Variants in SPTLC3 observed in about 807,000 individuals in gnomAD.
SPTLC3 encodes the protein serine palmitoyltransferase 3.
SPTLC3 carries 36 observed loss-of-function variants against 59.3 expected under a neutral mutation model. That is an observed-to-expected ratio of 0.61 (90% CI 0.47 to 0.80). SPTLC3 has a LOEUF of 0.80. Among genes scored for constraint, SPTLC3 ranks in the 30% least tolerant of loss-of-function variants. The probability of loss-of-function intolerance (pLI) is 0.00; values close to 1 mark genes in which losing one functional copy is unlikely to be tolerated. For synonymous variants in SPTLC3, 257 were observed against 240.8 expected (o/e 1.07, Z -0.62); for missense variants, 625 against 685.1 (o/e 0.91, Z 0.98).
intron 1 of SPTLC3, among the ~76,000 whole-genome samples, chr20:13,034,107 C>T (rs1986625177): frequency 6.6e-6 from 1 of 152,116 alleles, no homozygotes. Context: ...TTATTGTCTT[C>T]TGTACCAAAT....
chr20:13,055,835 G>A (rs990919840), intron 2 of SPTLC3, among the ~76,000 whole-genome samples: 18 of 152,140 alleles, frequency 1.2e-4, no homozygotes, highest in Admixed American at 2.6e-4. Flanking sequence ...AGAGGAAAGA[G>A]GGGATGGAGT....
At chr20:13,060,377 G>GTTATTTATTTATTTAT (rs60787251) in intron 2 of SPTLC3, among the ~76,000 whole-genome samples, 8 of 146,278 alleles carry the variant, frequency 5.5e-5, no homozygotes, top group African/African-American at 2.0e-4. Context: ...AAGAGCTAAA[G>GTTATTTATTTATTTAT]TTATTTATTT....
At chr20:13,108,486 C>T (rs542984666) in intron 6 of SPTLC3, among the ~76,000 whole-genome samples, 1 of 152,284 alleles carries the variant, frequency 6.6e-6, no homozygotes, top group African/African-American at 2.4e-5. Flanking sequence ...TGAGCCTAGA[C>T]CAGTGAGTGA....
chr20:13,114,041 G>A (rs557963155), intron 7 of SPTLC3, among the ~76,000 whole-genome samples: 17 of 152,316 alleles, frequency 1.1e-4, no homozygotes, highest in Admixed American at 6.5e-4. Context: ...GAGGCAGAGC[G>A]GGGATTAAAA....
rs550781933 is a variant in SPTLC3 at position 13,031,983 on chromosome 20, G to A, written c.118-16962G>A. Among the ~76,000 whole-genome samples the A allele has an allele frequency of 2.6e-5, 4 of 152,194 alleles. No individual in the cohort carries two copies. The South Asian group carries it at 8.3e-4, about 32-fold the overall frequency. Reference sequence around the variant, plus strand: ...ACGTGAAGATGATTCTAATTCCATTGCAGTGATCCACCACCTACTTCTTTG... The same window carrying A: ...ACGTGAAGATGATTCTAATTCCATTACAGTGATCCACCACCTACTTCTTTG... On this transcript the variant is annotated intron_variant, in intron 1 of 11. Transcript: ENST00000399002.
chr20:13,027,141 T>C (rs1466710641), intron 1 of SPTLC3, among the ~76,000 whole-genome samples: 1 of 152,238 alleles, frequency 6.6e-6, no homozygotes, highest in Non-Finnish European at 1.5e-5. Context: ...CAGTGCTTCC[T>C]GGGATAACCT....
chr20:13,138,026 C>A (rs556433702), intron 9 of SPTLC3, among the ~76,000 whole-genome samples: 77 of 152,314 alleles, frequency 5.1e-4, no homozygotes, highest in Non-Finnish European at 9.6e-4. Context: ...GTTCTTGCCA[C>A]CAACCCAGGG....
intron 1 of SPTLC3, among the ~76,000 whole-genome samples, chr20:13,041,794 G>A (rs74999048): frequency 1.2e-3 from 172 of 146,522 alleles, no homozygotes; most frequent in African/African-American, 4.2e-3. Context: ...TGACTTAGAT[G>A]AGCTATTTTC....
intron 4 of SPTLC3, among the ~76,000 whole-genome samples, chr20:13,083,553 T>A (rs1988911968): frequency 6.6e-6 from 1 of 152,168 alleles, no homozygotes; most frequent in African/African-American, 2.4e-5. Context: ...TAGAGTTTAG[T>A]CTAACTTACT....
At chr20:13,091,257 G>GT (rs772591148) in intron 5 of SPTLC3, 50 bp downstream of exon 5, 1 of 1,590,688 alleles carries the variant, frequency 6.3e-7, no homozygotes, top group African/African-American at 1.3e-5. Context: ...CCTAAGAACT[G>GT]TAACTCTGAG....
chr20:13,103,109 C>T (rs1600280470), intron 6 of SPTLC3, among the ~76,000 whole-genome samples: 2 of 152,302 alleles, frequency 1.3e-5, no homozygotes, highest in African/African-American at 4.8e-5. Context: ...AGTCCTTGCA[C>T]AATCTGCTTT....
In SPTLC3 at chr20:13,167,161, A is replaced by T. The variant is rs2038994305; in HGVS notation, c.*2294A>T. 1 of 152,214 alleles carries T rather than the reference A, an allele frequency of 6.6e-6. No homozygotes were observed. The highest frequency in any genetic ancestry group is 1.5e-5 in the Non-Finnish European group (1 of 68,040). The allele number at this position is 152,214 out of a possible 1,614,324, so 9.4% of individuals were successfully genotyped here. On this transcript the variant is annotated 3_prime_UTR_variant, in exon 12 of 12. Transcript: ENST00000399002. ...TATTAGAGTATATGTCATATAGAAT[A>T]AGGTTAATTAGGAGGGTGATTGTGA...
chr20:13,129,582 C>T (rs2038074288), intron 9 of SPTLC3, among the ~76,000 whole-genome samples: 1 of 152,244 alleles, frequency 6.6e-6, no homozygotes, highest in Non-Finnish European at 1.5e-5. Flanking sequence ...TAGAAATTAG[C>T]TTGTGTCTCA....
At chr20:13,021,528 C>T (rs1395480045) in intron 1 of SPTLC3, among the ~76,000 whole-genome samples, 6 of 76,598 alleles carry the variant, frequency 7.8e-5, no homozygotes, top group African/African-American at 3.3e-4. Context: ...TAAATCACCT[C>T]CCCCCACCAC....
Position 13,167,919 on chromosome 20 carries a change from G to A in SPTLC3, c.*3052G>A, listed in dbSNP as rs190794075. 6.6e-6 allele frequency: 1 copy of A among 152,262 alleles called. No homozygotes were observed. The highest frequency in any genetic ancestry group is 1.9e-4 in the East Asian group (1 of 5,182). The allele number at this position is 152,262 out of a possible 1,614,324, so 9.4% of individuals were successfully genotyped here. On this transcript the variant is annotated 3_prime_UTR_variant, in exon 12 of 12. Transcript: ENST00000399002. The stretch of plus-strand genomic sequence containing the variant: ...GATAAACCAATTGACTCTAATAGCA[G>A]GAACCTTGTTCTGATTCTCTTGTTC...
chr20:13,066,798 T>C (rs899525115), intron 2 of SPTLC3, among the ~76,000 whole-genome samples: 1 of 151,842 alleles, frequency 6.6e-6, no homozygotes. Context: ...TCCTCCTTAG[T>C]CTCCTTATTT....
At chr20:13,129,657 A>G (rs1233749546) in intron 9 of SPTLC3, among the ~76,000 whole-genome samples, 1 of 152,222 alleles carries the variant, frequency 6.6e-6, no homozygotes, top group Non-Finnish European at 1.5e-5. Flanking sequence ...GTTGCTTTAC[A>G]TGTATGCAAC....
chr20:13,025,545 TAA>T (rs990448004), intron 1 of SPTLC3, among the ~76,000 whole-genome samples: 3 of 152,102 alleles, frequency 2.0e-5, no homozygotes, highest in African/African-American at 7.2e-5. Flanking sequence ...GAGAAATTAA[TAA>T]GATAATGCAT....
At chr20:13,160,982 A>G (rs144085125) in intron 11 of SPTLC3, among the ~76,000 whole-genome samples, 19 of 152,346 alleles carry the variant, frequency 1.2e-4, no homozygotes, top group African/African-American at 3.4e-4. Context: ...TCATGTCATT[A>G]TGAAATAAAC....
Sources: gnomAD v4.1 joint callset for allele counts (sites outside exome capture counted in the v4.1 genomes callset) on GRCh38, gnomAD v4.1.1 for gene constraint, MANE v1.5 for transcripts, NCBI Gene and HGNC (gene_info 2026-07-23, HGNC 2026-07-21) for gene names.